Variants in TMEM131L observed in about 807,000 individuals in gnomAD.
TMEM131L encodes the protein transmembrane protein 131-like.
A neutral mutation model predicts 192.2 loss-of-function variants in TMEM131L; 54 were observed. The ratio of observed to expected loss-of-function variants is 0.28; its 90% CI spans 0.23 to 0.35. TMEM131L has a LOEUF of 0.35. Ranked by LOEUF, TMEM131L falls within the 10% of genes least tolerant of loss-of-function variation. The pLI is 1.00. For synonymous variants in TMEM131L, 701 were observed against 704.9 expected (o/e 0.99, Z 0.09); for missense variants, 1,888 against 1,972.9 (o/e 0.96, Z 0.82).
intron 5 of TMEM131L, among the ~76,000 whole-genome samples, chr4:153,556,404 G>T (rs1728457971): frequency 6.6e-6 from 1 of 152,126 alleles, no homozygotes; most frequent in Non-Finnish European, 1.5e-5. Context: ...CTCAAACTTA[G>T]TCTTCTAATA....
At chr4:153,596,162 A>G in intron 19 of TMEM131L, 96 bp from the exon 20 acceptor site, 5 of 1,416,294 alleles carry the variant, frequency 3.5e-6, no homozygotes, top group Non-Finnish European at 4.9e-6. Flanking sequence ...TGGACATTAA[A>G]AGAGAAGCAA....
intron 3 of TMEM131L, among the ~76,000 whole-genome samples, chr4:153,503,332 A>G (rs752602920): frequency 1.8e-4 from 27 of 152,192 alleles, no homozygotes; most frequent in Non-Finnish European, 3.7e-4. Flanking sequence ...GTAAAATTGT[A>G]CAAAGATAGG....
At chr4:153,503,424 G>A (rs1303113781) in intron 3 of TMEM131L, among the ~76,000 whole-genome samples, 1 of 152,056 alleles carries the variant, frequency 6.6e-6, no homozygotes, top group African/African-American at 2.4e-5. Flanking sequence ...TTAAAATAAG[G>A]CAAAATGAGT....
intron 3 of TMEM131L, among the ~76,000 whole-genome samples, chr4:153,543,654 A>G (rs1736960344): frequency 6.6e-6 from 1 of 152,236 alleles, no homozygotes; most frequent in Admixed American, 6.5e-5. Context: ...TGCATAATGG[A>G]AAAATACTGA....
intron 3 of TMEM131L, among the ~76,000 whole-genome samples, chr4:153,517,629 A>G (rs982893369): frequency 1.3e-5 from 2 of 152,194 alleles, no homozygotes; most frequent in Non-Finnish European, 2.9e-5. Context: ...CTTAATGTTT[A>G]GGTCAGGAGC....
At chr4:153,589,096 C>T in intron 16 of TMEM131L, 89 bp downstream of exon 16, 2 of 713,006 alleles carry the variant, frequency 2.8e-6, no homozygotes, top group South Asian at 3.3e-5. Context: ...CATTCTAAGA[C>T]CCCCCTCTCA....
intron 3 of TMEM131L, among the ~76,000 whole-genome samples, chr4:153,543,753 A>G (rs1736967483): frequency 6.6e-6 from 1 of 152,232 alleles, no homozygotes; most frequent in African/African-American, 2.4e-5. Context: ...TAAGTATCCC[A>G]TCAGACACAC....
intron 4 of TMEM131L, among the ~76,000 whole-genome samples, chr4:153,551,598 C>G (rs936528357): frequency 6.6e-6 from 1 of 152,014 alleles, no homozygotes. Context: ...TCAAGTGATA[C>G]GCCCTCCTTG....
intron 11 of TMEM131L, among the ~76,000 whole-genome samples, chr4:153,584,087 A>G (rs777871301): frequency 1.2e-4 from 18 of 152,228 alleles, no homozygotes; most frequent in Non-Finnish European, 2.1e-4. Flanking sequence ...AACTGTACCT[A>G]TAAGAAATGT....
intron 28 of TMEM131L, among the ~76,000 whole-genome samples, chr4:153,622,180 C>T (rs1173170982): frequency 1.3e-5 from 2 of 152,186 alleles, no homozygotes; most frequent in Admixed American, 6.5e-5. Context: ...AGTGCTACCC[C>T]CGTGCCTGAG....
rs550329576 is a variant in TMEM131L at position 153,596,154 on chromosome 4, G to C, written c.1996-104G>C. 7.2e-4 allele frequency: 963 copies of C among 1,330,142 alleles called. 6 individuals are homozygous for C. Among genetic ancestry groups the C allele is most frequent in the African/African-American group, 5.9e-3 (409 of 68,840 alleles). 82.4% of individuals were successfully genotyped at this position (1,330,142 alleles called of 1,614,324 possible). A position where few individuals can be genotyped will look rare whatever the true frequency, so the allele number is the denominator to read the frequency against. ...AGGTTGATTAGGAGGATCAAATCTG[G>C]ACATTAAAAGAGAAGCAATCGTGTT... On this transcript the variant is annotated intron_variant, in intron 19 of 34. Coordinates refer to ENST00000409959, the MANE Select transcript of TMEM131L (RefSeq NM_001131007.2).
intron 7 of TMEM131L, 149 bp downstream of exon 7, chr4:153,558,517 CT>C (rs1258131439): frequency 6.4e-6 from 3 of 471,216 alleles, no homozygotes; most frequent in African/African-American, 5.7e-5. Flanking sequence ...CACCTAACTT[CT>C]TTTTAATGGC....
chr4:153,514,433 A>G (rs1313449729), intron 3 of TMEM131L, among the ~76,000 whole-genome samples: 3 of 152,230 alleles, frequency 2.0e-5, no homozygotes, highest in Non-Finnish European at 4.4e-5. Flanking sequence ...GGTGATGTAA[A>G]TAGGAGGGCA....
chr4:153,552,517 C>T (rs1438472207), intron 4 of TMEM131L, among the ~76,000 whole-genome samples: 1 of 152,126 alleles, frequency 6.6e-6, no homozygotes, highest in Non-Finnish European at 1.5e-5. Context: ...TATTTACACA[C>T]AACCTCCCAT....
chr4:153,592,675 T>G, intron 18 of TMEM131L, 91 bp downstream of exon 18: 1 of 853,302 alleles, frequency 1.2e-6, no homozygotes, highest in Non-Finnish European at 2.0e-6. Flanking sequence ...AACCAGGACC[T>G]GTGTGTGGAT....
chr4:153,550,047 A>C, intron 3 of TMEM131L, 26 bp from the exon 4 acceptor site: 2 of 1,277,702 alleles, frequency 1.6e-6, no homozygotes, highest in Non-Finnish European at 2.1e-6. Context: ...ACTACAACAA[A>C]ATCAACCTCT....
chr4:153,620,457 A>T (rs1733309514), intron 26 of TMEM131L, among the ~76,000 whole-genome samples: 1 of 152,222 alleles, frequency 6.6e-6, no homozygotes, highest in South Asian at 2.1e-4. Context: ...TGAAGGTTGG[A>T]GGATTTATTG....
chr4:153,562,198 C>A (rs775703593), intron 7 of TMEM131L, among the ~76,000 whole-genome samples: 4 of 151,966 alleles, frequency 2.6e-5, no homozygotes, highest in Non-Finnish European at 4.4e-5. Flanking sequence ...CCACCAAGCC[C>A]AGCTAATTTT....
intron 3 of TMEM131L, 44 bp from the exon 4 acceptor site, chr4:153,550,029 A>G: frequency 1.0e-6 from 1 of 974,496 alleles, no homozygotes; most frequent in Non-Finnish European, 1.5e-6. Flanking sequence ...CAGCATTTAA[A>G]TGTTAAAACT....
Sources: gnomAD v4.1 joint callset for allele counts (sites outside exome capture counted in the v4.1 genomes callset) on GRCh38, gnomAD v4.1.1 for gene constraint, MANE v1.5 for transcripts, NCBI Gene and HGNC (gene_info 2026-07-23, HGNC 2026-07-21) for gene names.